The following PRKN variants were observed in gnomAD, a reference collection of about 807,000 sequenced individuals.
The protein encoded by PRKN is E3 ubiquitin-protein ligase parkin.
Under a neutral mutation model 59.5 loss-of-function variants are expected in PRKN, and 56 were observed. The observed-to-expected ratio is 0.94, with a 90% confidence interval of 0.76 to 1.18. The LOEUF (loss-of-function observed/expected upper bound fraction) is 1.18. PRKN is among the 50% of genes most tolerant of loss of function. PRKN has a pLI of 0.00. For synonymous variants in PRKN, 250 were observed against 222.1 expected, an observed-to-expected ratio of 1.13 and a Z score of -1.12; for missense variants, 657 against 596.4, an observed-to-expected ratio of 1.10 and a Z score of -1.06.
chr6:162,565,470 C>T (rs567219529), intron 1 of PRKN, among the ~76,000 whole-genome samples: 1 of 152,128 alleles, frequency 6.6e-6, no homozygotes, highest in East Asian at 1.9e-4. Context: ...GGTCACCTGC[C>T]TGGGAGGTCA....
At chr6:162,170,764 G>T (rs1783234040) in intron 4 of PRKN, among the ~76,000 whole-genome samples, 2 of 152,104 alleles carry the variant, frequency 1.3e-5, no homozygotes, top group African/African-American at 4.8e-5. Context: ...CTTTAGTTCA[G>T]GACCGAAAGA....
chr6:162,454,737 C>T (rs1790784806), intron 1 of PRKN, among the ~76,000 whole-genome samples: 1 of 152,162 alleles, frequency 6.6e-6, no homozygotes, highest in Non-Finnish European at 1.5e-5. Context: ...CATTTTGTCC[C>T]AGCTTCCCTT....
At chr6:162,384,825 C>A (rs1024614099) in intron 2 of PRKN, among the ~76,000 whole-genome samples, 1 of 152,020 alleles carries the variant, frequency 6.6e-6, no homozygotes, top group Non-Finnish European at 1.5e-5. Context: ...CAGAAAGCTG[C>A]AATGCAGAGA....
intron 7 of PRKN, among the ~76,000 whole-genome samples, chr6:161,573,374 G>A (rs1430408145): frequency 6.6e-6 from 1 of 152,026 alleles, no homozygotes; most frequent in Non-Finnish European, 1.5e-5. Flanking sequence ...TAAGCATAAA[G>A]TATTTATAGC....
At chr6:162,508,801 G>A (rs1442071908) in intron 1 of PRKN, among the ~76,000 whole-genome samples, 1 of 152,088 alleles carries the variant, frequency 6.6e-6, no homozygotes, top group Non-Finnish European at 1.5e-5. Flanking sequence ...GCAGTGAGCC[G>A]TGATTGCACC....
At position 161,578,057 on chromosome 6, in the gene PRKN, G is replaced by C. The variant is rs1277892017; in HGVS notation, c.872-8641C>G. Reference sequence around the variant, plus strand: ...CAGGGATTCTGCCTTCCTGGAGCTTGCAGAAGAAATAAGACGCACACCAAC... The same window carrying C: ...CAGGGATTCTGCCTTCCTGGAGCTTCCAGAAGAAATAAGACGCACACCAAC... On this transcript the variant is annotated intron_variant, in intron 7 of 11. Coordinates refer to ENST00000366898, the MANE Select transcript of PRKN (RefSeq NM_004562.3). This position sits in a 1 kb window ranked among gnomAD's most constrained non-coding sequence, Gnocchi z 4.2. Among the ~76,000 whole-genome samples the C allele has an allele frequency of 6.6e-6, 1 of 152,116 alleles. No individual in the cohort carries two copies. The highest frequency in any genetic ancestry group is 2.4e-5 in the African/African-American group (1 of 41,404).
chr6:162,005,117 C>T (rs140890166), intron 5 of PRKN, among the ~76,000 whole-genome samples: 1 of 152,132 alleles, frequency 6.6e-6, no homozygotes, highest in African/African-American at 2.4e-5. Context: ...ATATAAAAAT[C>T]GAGCTAACGT....
chr6:161,840,564 C>G (rs765702466), intron 6 of PRKN, among the ~76,000 whole-genome samples: 3 of 152,112 alleles, frequency 2.0e-5, no homozygotes, highest in Admixed American at 6.6e-5. Flanking sequence ...AAGCCTAGTA[C>G]GTGTCAGTTA....
intron 4 of PRKN, among the ~76,000 whole-genome samples, chr6:162,059,732 T>C (rs1778018528): frequency 6.6e-6 from 1 of 152,156 alleles, no homozygotes; most frequent in Non-Finnish European, 1.5e-5. Flanking sequence ...TTGGCTGGTT[T>C]TTAGAGAACG....
At position 161,378,088 on chromosome 6, in the gene PRKN, G is replaced by A. The variant is rs1279984249; in HGVS notation, c.1167+8706C>T. ...TCTTGGCAGCCTCTTTAAGGGCAGGGACAGAGAAAATCTGGAAGACTGAGG... is the reference window on the plus strand; with the variant it reads ...TCTTGGCAGCCTCTTTAAGGGCAGGAACAGAGAAAATCTGGAAGACTGAGG... On this transcript the variant is annotated intron_variant, in intron 10 of 11. Coordinates refer to ENST00000366898, the MANE Select transcript of PRKN (RefSeq NM_004562.3). The surrounding 1 kb of genome is among the most constrained non-coding windows in gnomAD (Gnocchi z 7.3). Among the ~76,000 whole-genome samples, 2 of 152,216 alleles carry A rather than the reference G, an allele frequency of 1.3e-5. No individual in the cohort carries two copies. The highest frequency in any genetic ancestry group is 4.8e-5 in the African/African-American group (2 of 41,454).
At chr6:161,691,080 A>G (rs925624327) in intron 7 of PRKN, among the ~76,000 whole-genome samples, 194 of 150,504 alleles carry the variant, frequency 1.3e-3, no homozygotes, top group Middle Eastern at 6.9e-3. Flanking sequence ...CCATCCACCC[A>G]CCCCTATCCT....
intron 9 of PRKN, among the ~76,000 whole-genome samples, chr6:161,439,371 A>G (rs532215169): frequency 2.0e-5 from 3 of 152,332 alleles, no homozygotes; most frequent in Non-Finnish European, 4.4e-5. Flanking sequence ...TAATCAGAAA[A>G]GTGCTTTGGA....
chr6:161,638,699 G>A (rs1783618319), intron 7 of PRKN, among the ~76,000 whole-genome samples: 1 of 146,078 alleles, frequency 6.8e-6, no homozygotes, highest in Non-Finnish European at 1.5e-5. Context: ...TTACCCTCAT[G>A]CTGTTTTTGT....
Position 161,458,519 on chromosome 6 carries a change from C to T in PRKN, c.1084-71642G>A, listed in dbSNP as rs1182870276. Among the ~76,000 whole-genome samples, 1 of 152,126 alleles carries T rather than the reference C, an allele frequency of 6.6e-6. No individual in the cohort carries two copies. Among genetic ancestry groups the T allele is most frequent in the African/African-American group, 2.4e-5 (1 of 41,434 alleles). On this transcript the variant is annotated intron_variant, in intron 9 of 11. Transcript: ENST00000366898. This position sits in a 1 kb window ranked among gnomAD's most constrained non-coding sequence, Gnocchi z 6.1. ...GTTTACTGCAGAGCCAGTGTTTGAA[C>T]CAAATGCTCAGTAATGTGAAAACAT... is the stretch of plus-strand genomic sequence containing the variant.
At position 161,503,695 on chromosome 6, in the gene PRKN, C is replaced by G. The variant is rs1386133419; in HGVS notation, c.1083+45159G>C. Among the ~76,000 whole-genome samples the G allele has an allele frequency of 6.6e-6, 1 of 152,176 alleles. No homozygotes were observed. The stretch of plus-strand genomic sequence containing the variant: ...TCTATGCTTCTATGAAGGTCACAAC[C>G]AGAAGCAGTCCGGCCTGCAGTTGCT... On this transcript the variant is annotated intron_variant, in intron 9 of 11. Coordinates refer to ENST00000366898, the MANE Select transcript of PRKN (RefSeq NM_004562.3). This position sits in a 1 kb window ranked among gnomAD's most constrained non-coding sequence, Gnocchi z 5.1.
At chr6:161,662,571 G>A (rs1385912641) in intron 7 of PRKN, among the ~76,000 whole-genome samples, 2 of 152,154 alleles carry the variant, frequency 1.3e-5, no homozygotes, top group African/African-American at 4.8e-5. Context: ...GCAGACAGTG[G>A]CACGTGGCAG....
intron 3 of PRKN, among the ~76,000 whole-genome samples, chr6:162,227,259 C>T (rs963748147): frequency 6.6e-6 from 1 of 152,096 alleles, no homozygotes; most frequent in East Asian, 1.9e-4. Flanking sequence ...TTGACTATTG[C>T]ATTCATTTTT....
intron 9 of PRKN, among the ~76,000 whole-genome samples, chr6:161,536,983 G>T (rs1354460150): frequency 6.6e-6 from 1 of 152,146 alleles, no homozygotes; most frequent in Non-Finnish European, 1.5e-5. Context: ...GTCTAACAAA[G>T]ATCTTATCTC....
At chr6:162,088,673 C>T (rs974407526) in intron 4 of PRKN, among the ~76,000 whole-genome samples, 3 of 152,026 alleles carry the variant, frequency 2.0e-5, no homozygotes, top group Admixed American at 1.3e-4. Context: ...TCACTGAAGA[C>T]GACATATCAA....
Sources: allele counts gnomAD v4.1 joint callset (sites outside exome capture counted in the v4.1 genomes callset), GRCh38; gene constraint gnomAD v4.1.1; non-coding constraint Gnocchi (gnomAD v3.1); transcripts MANE v1.5; gene names NCBI Gene and HGNC (gene_info 2026-07-23, HGNC 2026-07-21).